NCKAP1: variants seen among roughly 807,000 people sequenced by gnomAD.
NCKAP1 encodes the protein NCK associated protein 1, also known as nck-associated protein 1.
In NCKAP1, 21 loss-of-function variants were observed where a neutral mutation model predicts 151.2. That is an observed-to-expected ratio of 0.14 (90% confidence interval 0.10 to 0.20). NCKAP1 has a LOEUF of 0.20. Ranked by LOEUF, NCKAP1 falls within the 10% of genes least tolerant of loss-of-function variation. NCKAP1 has a pLI of 1.00. For synonymous variants in NCKAP1, 484 were observed against 451.8 expected, an observed-to-expected ratio of 1.07 and a Z score of -0.90; for missense variants, 933 against 1,352.1, an observed-to-expected ratio of 0.69 and a Z score of 4.86.
intron 19 of NCKAP1, chr2:182,957,246 A>G: frequency 2.3e-6 from 1 of 441,250 alleles, no homozygotes; most frequent in Non-Finnish European, 3.8e-6. Flanking sequence ...AATATCAACT[A>G]TTACATATAT....
At chr2:182,963,846 T>C (rs908835406) in intron 17 of NCKAP1, among the ~76,000 whole-genome samples, 4 of 152,052 alleles carry the variant, frequency 2.6e-5, no homozygotes, top group Non-Finnish European at 5.9e-5. Context: ...TAGGTAGAAA[T>C]TCTGAAAGTA....
At chr2:182,945,352 C>G (rs777615834) in intron 23 of NCKAP1, among the ~76,000 whole-genome samples, 2 of 151,754 alleles carry the variant, frequency 1.3e-5, no homozygotes, top group African/African-American at 4.8e-5. Flanking sequence ...GAGCTATGAA[C>G]GTGCAACTGC....
intron 2 of NCKAP1, among the ~76,000 whole-genome samples, chr2:183,008,044 A>G (rs1698513753): frequency 6.6e-6 from 1 of 152,188 alleles, no homozygotes; most frequent in South Asian, 2.1e-4. Flanking sequence ...CTCCTGCCTC[A>G]GCCTCCCGAG....
chr2:182,997,791 A>G (rs1049499223), intron 6 of NCKAP1, among the ~76,000 whole-genome samples: 1 of 152,172 alleles, frequency 6.6e-6, no homozygotes, highest in African/African-American at 2.4e-5. Flanking sequence ...AACTATTTCA[A>G]AAAGTTGAGG....
intron 6 of NCKAP1, among the ~76,000 whole-genome samples, 156 bp from the exon 7 acceptor site, chr2:182,995,994 C>T (rs760055279): frequency 2.0e-5 from 3 of 152,186 alleles, no homozygotes; most frequent in Non-Finnish European, 2.9e-5. Flanking sequence ...TGGGTTGTGG[C>T]TCCTCTCCTC....
intron 17 of NCKAP1, among the ~76,000 whole-genome samples, chr2:182,963,002 AAC>A (rs1383058960): frequency 6.6e-6 from 1 of 152,044 alleles, no homozygotes; most frequent in Non-Finnish European, 1.5e-5. Flanking sequence ...TAAAATTTTT[AAC>A]AGTTTTCCTG....
intron 13 of NCKAP1, among the ~76,000 whole-genome samples, chr2:182,980,765 TC>T (rs1399883180): frequency 5.3e-5 from 8 of 152,294 alleles, no homozygotes; most frequent in Middle Eastern, 3.4e-3. Context: ...TTATATTGTC[TC>T]TATCATCTCT....
intron 8 of NCKAP1, 42 bp from the exon 9 acceptor site, chr2:182,989,228 G>A (rs368923581): frequency 3.3e-6 from 5 of 1,497,732 alleles, no homozygotes; most frequent in African/African-American, 2.8e-5. Flanking sequence ...AAATGTACAA[G>A]TATTCCAAAG....
intron 11 of NCKAP1, 52 bp from the exon 12 acceptor site, chr2:182,982,979 C>G: frequency 2.3e-6 from 3 of 1,297,664 alleles, no homozygotes; most frequent in South Asian, 1.4e-5. Flanking sequence ...AAAAACAAAA[C>G]TGGTAATCTC....
chr2:182,979,463 G>A (rs1371011707), intron 13 of NCKAP1, among the ~76,000 whole-genome samples: 1 of 152,066 alleles, frequency 6.6e-6, no homozygotes, highest in Non-Finnish European at 1.5e-5. Context: ...TTGATAAACT[G>A]TATTTAAAGT....
At chr2:183,031,406 G>A (rs1002151030) in intron 1 of NCKAP1, among the ~76,000 whole-genome samples, 6 of 152,012 alleles carry the variant, frequency 3.9e-5, no homozygotes, top group South Asian at 2.1e-4. Flanking sequence ...ATACCTTTGC[G>A]GTTAAAAAGA....
At chr2:182,960,190 C>G (rs903518075) in intron 18 of NCKAP1, among the ~76,000 whole-genome samples, 13 of 152,284 alleles carry the variant, frequency 8.5e-5, no homozygotes, top group Non-Finnish European at 1.8e-4. Context: ...CCATCCCCAT[C>G]AAGCTACCAA....
rs1389974180 is a variant in NCKAP1 at position 182,913,960 on chromosome 2, A to T, written c.*11742T>A. 1 of 152,254 alleles carries T rather than the reference A, an allele frequency of 6.6e-6. No homozygotes were observed. The highest frequency in any genetic ancestry group is 1.5e-5 in the Non-Finnish European group (1 of 68,104). 9.4% of individuals were successfully genotyped at this position (152,254 alleles called of 1,614,324 possible). ...CACAACCCTCAGCCTCTTGGTTCTAACTTAGTGAGAAAACTCTGATAAGAA... is the reference window on the plus strand; with the variant it reads ...CACAACCCTCAGCCTCTTGGTTCTATCTTAGTGAGAAAACTCTGATAAGAA... On this transcript the variant is annotated 3_prime_UTR_variant, in exon 31 of 31. Coordinates refer to ENST00000361354, the MANE Select transcript of NCKAP1 (RefSeq NM_013436.5).
At chr2:183,007,342 A>G (rs1698496321) in intron 2 of NCKAP1, among the ~76,000 whole-genome samples, 1 of 152,232 alleles carries the variant, frequency 6.6e-6, no homozygotes, top group Non-Finnish European at 1.5e-5. Flanking sequence ...AGGCATGCTT[A>G]TGGCAAAGAA....
rs779964135 is a variant in NCKAP1, at chr2:183,023,873, T to C, written c.152A>G (p.Lys51Arg). ...PKAKPSYLID[K>R]NLESAVKFIV... ...GAATTTCACAGCAGATTCCAGGTTT[T>C]TGTCGATAAGATAGGATGGTTTTGC... is the stretch of plus-strand genomic sequence containing the variant. Residue 51 changes from lysine to arginine, a missense_variant, in exon 2 of 31, where the codon AAA (lysine) becomes AGA (arginine). Transcript: ENST00000361354. The C allele has an allele frequency of 1.9e-5, 30 of 1,613,598 alleles. No homozygotes were observed. Among genetic ancestry groups the C allele is most frequent in the South Asian group, 2.2e-5 (2 of 91,048 alleles).
intron 13 of NCKAP1, 28 bp downstream of exon 13, chr2:182,981,216 A>C (rs771240793): frequency 1.9e-6 from 3 of 1,603,526 alleles, no homozygotes; most frequent in Non-Finnish European, 2.6e-6. Flanking sequence ...GAAGGAACAA[A>C]AGGGAAATAG....
intron 2 of NCKAP1, among the ~76,000 whole-genome samples, chr2:183,013,359 T>C (rs1698625457): frequency 6.6e-6 from 1 of 152,164 alleles, no homozygotes; most frequent in South Asian, 2.1e-4. Flanking sequence ...CCCACTGCAC[T>C]ACCCCAAACC....
intron 2 of NCKAP1, among the ~76,000 whole-genome samples, chr2:183,021,205 TA>T (rs1698791654): frequency 6.6e-6 from 1 of 152,186 alleles, no homozygotes; most frequent in Admixed American, 6.5e-5. Flanking sequence ...ATAGCAACAT[TA>T]TTCATAATAG....
At chr2:182,977,528 C>CA (rs1482020983) in intron 14 of NCKAP1, among the ~76,000 whole-genome samples, 1 of 151,948 alleles carries the variant, frequency 6.6e-6, no homozygotes, top group Non-Finnish European at 1.5e-5. Context: ...TATTATTCTG[C>CA]TAAAAAAGAA....
Sources: allele counts gnomAD v4.1 joint callset (sites outside exome capture counted in the v4.1 genomes callset), GRCh38; gene constraint gnomAD v4.1.1; transcripts MANE v1.5; gene names NCBI Gene and HGNC (gene_info 2026-07-23, HGNC 2026-07-21).